USP30: variants seen among roughly 807,000 people sequenced by gnomAD.
USP30 encodes the protein ubiquitin carboxyl-terminal hydrolase 30.
A neutral mutation model predicts 68.2 loss-of-function variants in USP30; 41 were observed. The observed-to-expected ratio is 0.60, with a 90% confidence interval of 0.47 to 0.78. USP30 has a LOEUF of 0.78. Among genes scored for constraint, USP30 ranks in the 30% least tolerant of loss-of-function variants. The probability of loss-of-function intolerance (pLI) is 0.00; values close to 1 mark genes in which losing one functional copy is unlikely to be tolerated. For missense variants in USP30, 522 were observed against 649.4 expected (o/e 0.80, Z 2.13); for synonymous variants, 229 against 253.7 (o/e 0.90, Z 0.93).
chr12:109,058,201 T>G (rs1389390644), intron 3 of USP30, 93 bp downstream of exon 3: 1 of 1,287,440 alleles, frequency 7.8e-7, no homozygotes, highest in Admixed American at 2.4e-5. Context: ...TACCTTATTG[T>G]AGGAAAAGAT....
In USP30 at chr12:109,052,744, G is replaced by A; in HGVS notation, c.66G>A (p.Arg22=). The change falls in exon 1 of 13, where the codon CGG becomes CGA. Residue 22 remains arginine (R), a synonymous_variant. Coordinates refer to ENST00000257548, the MANE Select transcript of USP30 (RefSeq NM_032663.5). ...ACAGGGCCATCCAGCGCTTCCTGCG[G>A]ACCGGGGCGGCCGTCAGGTGAGATT... ...AADRAIQRFL[R]TGAAVRYKVM... The A allele has an allele frequency of 6.9e-7, 1 of 1,459,214 alleles. No individual in the cohort carries two copies. 90.4% of individuals were successfully genotyped at this position (1,459,214 alleles called of 1,614,324 possible). A position where few individuals can be genotyped will look rare whatever the true frequency, so the allele number is the denominator to read the frequency against.
chr12:109,075,839 TTC>T (rs2041585686), intron 7 of USP30, among the ~76,000 whole-genome samples: 2 of 115,230 alleles, frequency 1.7e-5, no homozygotes, highest in South Asian at 7.2e-4. Context: ...ATGTTACTTT[TTC>T]TTTTTTTTTT....
chr12:109,075,841 CTTTTTTTTTTT>C (rs34221615), intron 7 of USP30, among the ~76,000 whole-genome samples: 2 of 119,688 alleles, frequency 1.7e-5, no homozygotes, highest in South Asian at 5.4e-4. Context: ...GTTACTTTTT[CTTTTTTTTTTT>C]TTTTTTGCTG....
At chr12:109,044,749 T>C (rs1186569514) in intron 3 of USP30, among the ~76,000 whole-genome samples, 3 of 152,148 alleles carry the variant, frequency 2.0e-5, no homozygotes, top group Non-Finnish European at 4.4e-5. Context: ...ATAAATATGT[T>C]TATTCTTCTA....
intron 3 of USP30, among the ~76,000 whole-genome samples, chr12:109,065,478 G>A (rs1301560467): frequency 6.6e-6 from 1 of 152,208 alleles, no homozygotes. Context: ...CGGCTGTCTG[G>A]GGACACACAA....
At position 109,085,831 on chromosome 12, in the gene USP30, G is replaced by A. The variant is rs753341509; in HGVS notation, c.1454G>A (p.Ser485Asn). 2.5e-6 allele frequency: 4 copies of A among 1,614,244 alleles called. No individual in the cohort carries two copies. Among genetic ancestry groups the A allele is most frequent in the Non-Finnish European group, 3.4e-6 (4 of 1,180,056 alleles). Residue 485 changes from serine to asparagine, a missense_variant, in exon 13 of 13, where the codon AGC (serine) becomes AAC (asparagine). Transcript: ENST00000257548. ...TCCGATGACACTGTCCGCAAGGCCA[G>A]CCTGCAGGAGGTCCTGTCCTCCAGC... ...WVSDDTVRKA[S>N]LQEVLSSSAY...
chr12:109,087,040 T>G lies in USP30; in HGVS notation c.*1109T>G, dbSNP rs538589090. On this transcript the variant is annotated 3_prime_UTR_variant, in exon 13 of 13. Coordinates refer to ENST00000257548, the MANE Select transcript of USP30 (RefSeq NM_032663.5). ...ATATAACTACAGCTGGCATCTAGTA[T>G]TGTCATGTTGCTCTAGGTCCATATT... The G allele has an allele frequency of 7.2e-5, 11 of 152,222 alleles. No homozygotes were observed. In the South Asian group the frequency reaches 2.1e-3, roughly 29 times the overall value. The allele number at this position is 152,222 out of a possible 1,614,324, so 9.4% of individuals were successfully genotyped here. A position where few individuals can be genotyped will look rare whatever the true frequency, so the allele number is the denominator to read the frequency against.
intron 3 of USP30, among the ~76,000 whole-genome samples, chr12:109,066,776 A>T (rs2041267776): frequency 6.6e-6 from 1 of 152,050 alleles, no homozygotes; most frequent in Non-Finnish European, 1.5e-5. Flanking sequence ...CTCAAATACA[A>T]ACAAATACAA....
At chr12:109,069,014 T>A (rs917773408) in intron 4 of USP30, among the ~76,000 whole-genome samples, 1 of 152,242 alleles carries the variant, frequency 6.6e-6, no homozygotes, top group Non-Finnish European at 1.5e-5. Flanking sequence ...TTACCTGATT[T>A]TATTATCACA....
At chr12:109,063,657 C>G (rs950272386) in intron 3 of USP30, among the ~76,000 whole-genome samples, 1 of 152,144 alleles carries the variant, frequency 6.6e-6, no homozygotes, top group Admixed American at 6.5e-5. Context: ...TTTTATAATT[C>G]CACCAGCAAT....
chr12:109,048,051 T>C (rs1442144247), upstream of USP30, among the ~76,000 whole-genome samples: 1 of 151,526 alleles, frequency 6.6e-6, no homozygotes, highest in East Asian at 1.9e-4. Flanking sequence ...GATGTGATCA[T>C]GGGTCTGACG....
At chr12:109,028,536 G>T (rs572298023) in intron 3 of USP30, among the ~76,000 whole-genome samples, 3 of 152,066 alleles carry the variant, frequency 2.0e-5, no homozygotes, top group African/African-American at 7.2e-5. Context: ...GGAGTGCAAT[G>T]GTGTGGTCTC....
upstream of USP30, chr12:109,047,795 C>G (rs1251240921): frequency 6.6e-6 from 1 of 152,152 alleles, no homozygotes; most frequent in African/African-American, 2.4e-5. Flanking sequence ...CGAGACCAGT[C>G]TGGGCAACAT....
chr12:109,037,156 C>A (rs577212632), intron 3 of USP30, among the ~76,000 whole-genome samples: 1 of 152,172 alleles, frequency 6.6e-6, no homozygotes, highest in East Asian at 1.9e-4. Flanking sequence ...ATGGAACTAT[C>A]TTCATGTTCA....
In USP30 at chr12:109,052,621, C is replaced by CCGGCGGCGGCGG. The variant is rs3217401; in HGVS notation, c.-51_-40dup. The CCGGCGGCGGCGG allele has an allele frequency of 2.9e-4, 397 of 1,355,082 alleles. No individual in the cohort carries two copies. The highest frequency in any genetic ancestry group is 5.1e-4 in the East Asian group (16 of 31,546). The allele number at this position is 1,355,082 out of a possible 1,614,324, so 83.9% of individuals were successfully genotyped here. On this transcript the variant is annotated 5_prime_UTR_variant, in exon 1 of 13. Transcript: ENST00000257548. Reference sequence around the variant, plus strand: ...CTCGGGAACCGTCGTATCCCTCGGTCCGGCGGCGGCGGCGGCGGTAGCGGA... The same window carrying CCGGCGGCGGCGG: ...CTCGGGAACCGTCGTATCCCTCGGTCCGGCGGCGGCGGCGGCGGCGGCGGCGGCGGTAGCGGA...
chr12:109,036,484 G>C (rs571232166), intron 3 of USP30, among the ~76,000 whole-genome samples: 1 of 152,126 alleles, frequency 6.6e-6, no homozygotes, highest in African/African-American at 2.4e-5. Flanking sequence ...TTTGGATAGA[G>C]ATGGGGTTTC....
At chr12:109,072,381 A>T in intron 6 of USP30, 31 bp downstream of exon 6, 3 of 1,597,880 alleles carry the variant, frequency 1.9e-6, no homozygotes, top group South Asian at 2.2e-5. Flanking sequence ...TATAACACAT[A>T]AGATGTGGAC....
intron 7 of USP30, among the ~76,000 whole-genome samples, chr12:109,074,107 A>C (rs886984123): frequency 6.6e-6 from 1 of 152,206 alleles, no homozygotes; most frequent in Non-Finnish European, 1.5e-5. Context: ...TGGATGCTTC[A>C]TATAAATGGA....
In USP30 at chr12:109,087,856, A is replaced by G. The variant is rs2041982609; in HGVS notation, c.*1925A>G. ...TTATTATGCATTAAGTAGCAGCCCA[A>G]TAATCTGATTTCTAGTTTTATTTTC... On this transcript the variant is annotated 3_prime_UTR_variant, in exon 13 of 13. Coordinates refer to ENST00000257548, the MANE Select transcript of USP30 (RefSeq NM_032663.5). 1 of 175,468 alleles carries G rather than the reference A, an allele frequency of 5.7e-6. No homozygotes were observed. The highest frequency in any genetic ancestry group is 6.0e-5 in the Admixed American group (1 of 16,742). 10.9% of individuals were successfully genotyped at this position (175,468 alleles called of 1,614,324 possible).
Sources: gnomAD v4.1 joint callset for allele counts (sites outside exome capture counted in the v4.1 genomes callset) on GRCh38, gnomAD v4.1.1 for gene constraint, MANE v1.5 for transcripts, NCBI Gene and HGNC (gene_info 2026-07-23, HGNC 2026-07-21) for gene names.